SPTLC3: variants seen among roughly 807,000 people sequenced by gnomAD.
SPTLC3 encodes the protein serine palmitoyltransferase long chain base subunit 3.
In SPTLC3, 36 loss-of-function variants were observed where a neutral mutation model predicts 59.3. The observed-to-expected ratio is 0.61, with a 90% CI of 0.47 to 0.80. SPTLC3 has a LOEUF of 0.80. Among genes scored for constraint, SPTLC3 ranks in the 30% least tolerant of loss-of-function variants. The probability of loss-of-function intolerance (pLI) is 0.00; values close to 1 mark genes in which losing one functional copy is unlikely to be tolerated. For missense variants in SPTLC3, 625 were observed against 685.1 expected (o/e 0.91, Z 0.98); for synonymous variants, 257 against 240.8 (o/e 1.07, Z -0.62).
intron 8 of SPTLC3, among the ~76,000 whole-genome samples, chr20:13,118,669 T>C (rs1358093558): frequency 1.3e-5 from 2 of 152,158 alleles, no homozygotes; most frequent in Admixed American, 1.3e-4. Context: ...TGGCTCAGCC[T>C]AGGATGCCAC....
chr20:13,020,353 A>AG (rs1985808632), intron 1 of SPTLC3, among the ~76,000 whole-genome samples: 1 of 100,650 alleles, frequency 9.9e-6, no homozygotes, highest in African/African-American at 2.7e-5. Context: ...TTCTTAAAAA[A>AG]AAAAAAGAAA....
At chr20:13,046,883 A>C (rs889956325) in intron 1 of SPTLC3, among the ~76,000 whole-genome samples, 5 of 152,098 alleles carry the variant, frequency 3.3e-5, no homozygotes, top group African/African-American at 9.7e-5. Flanking sequence ...ATAACCTTTC[A>C]TTTACCTTTT....
At chr20:13,112,270 C>G (rs1160242743) in intron 7 of SPTLC3, among the ~76,000 whole-genome samples, 1 of 152,214 alleles carries the variant, frequency 6.6e-6, no homozygotes, top group Admixed American at 6.5e-5. Context: ...ACTTGCACAT[C>G]TGGCCCTCGG....
chr20:13,147,689 T>G (rs1330574321), intron 9 of SPTLC3, among the ~76,000 whole-genome samples: 1 of 152,184 alleles, frequency 6.6e-6, no homozygotes, highest in Non-Finnish European at 1.5e-5. Context: ...TGAGAAATGT[T>G]TTATGGAATG....
intron 4 of SPTLC3, among the ~76,000 whole-genome samples, chr20:13,081,808 T>G (rs1165968701): frequency 6.6e-6 from 1 of 152,254 alleles, no homozygotes; most frequent in Non-Finnish European, 1.5e-5. Flanking sequence ...TTCCAATTAA[T>G]GAGATTTTAT....
chr20:13,141,604 G>GC (rs896328747), intron 9 of SPTLC3, among the ~76,000 whole-genome samples: 11 of 152,176 alleles, frequency 7.2e-5, no homozygotes, highest in African/African-American at 2.7e-4. Flanking sequence ...CTGTCTGAGG[G>GC]CCCCGGCATT....
At chr20:13,050,136 G>C (rs1374022281) in intron 2 of SPTLC3, 1 of 152,110 alleles carries the variant, frequency 6.6e-6, no homozygotes, top group Non-Finnish European at 1.5e-5. Context: ...AGCTAATCAG[G>C]GAGAGGCCAG....
chr20:13,020,359 A>AG (rs3038779), intron 1 of SPTLC3, among the ~76,000 whole-genome samples: 1 of 150,558 alleles, frequency 6.6e-6, no homozygotes, highest in Non-Finnish European at 1.5e-5. Context: ...AAAAAAAAAA[A>AG]GAAAAAAAAG....
intron 1 of SPTLC3, among the ~76,000 whole-genome samples, chr20:13,031,801 A>T (rs1381607255): frequency 6.6e-6 from 1 of 152,108 alleles, no homozygotes; most frequent in Non-Finnish European, 1.5e-5. Flanking sequence ...TCTATTTCTG[A>T]AATATGTTCC....
intron 9 of SPTLC3, among the ~76,000 whole-genome samples, chr20:13,133,623 A>G (rs1409555821): frequency 6.6e-6 from 1 of 152,198 alleles, no homozygotes; most frequent in East Asian, 1.9e-4. Context: ...AATCCCAGCT[A>G]CTCTGGAGAC....
intron 2 of SPTLC3, among the ~76,000 whole-genome samples, chr20:13,068,388 A>T (rs1380684282): frequency 6.6e-6 from 1 of 152,336 alleles, no homozygotes; most frequent in African/African-American, 2.4e-5. Flanking sequence ...TCCTATTGCA[A>T]TGCTTTTGTT....
chr20:13,089,766 A>G (rs928223440), intron 4 of SPTLC3, among the ~76,000 whole-genome samples: 12 of 147,856 alleles, frequency 8.1e-5, no homozygotes, highest in Non-Finnish European at 1.6e-4. Context: ...AGCCTGGATG[A>G]CAGAGCGAGA....
chr20:13,040,046 C>CGTGTGTGT (rs3038800), intron 1 of SPTLC3, among the ~76,000 whole-genome samples: 101 of 148,016 alleles, frequency 6.8e-4, no homozygotes, highest in Middle Eastern at 3.5e-3. Flanking sequence ...TATGCATGTA[C>CGTGTGTGT]GTGTGTGTGT....
At chr20:13,083,819 C>T (rs55760041) in intron 4 of SPTLC3, among the ~76,000 whole-genome samples, 41,789 of 152,044 alleles carry the variant, frequency 0.27, 5,899 homozygotes, top group Middle Eastern at 0.35. Context: ...TCAGGGCTGT[C>T]TCCTGGTCCT....
intron 1 of SPTLC3, among the ~76,000 whole-genome samples, chr20:13,025,592 A>C (rs1192794843): frequency 6.6e-6 from 1 of 152,196 alleles, no homozygotes; most frequent in Admixed American, 6.5e-5. Context: ...ACCAGAGGAA[A>C]TTCTCTACAA....
rs367888420 is a variant in SPTLC3, at chr20:13,094,681, G to C, written c.826+1104G>C. Among the ~76,000 whole-genome samples, 46 of 152,318 alleles carry C rather than the reference G, an allele frequency of 3.0e-4. No homozygotes were observed. In the East Asian group the frequency reaches 8.7e-3, roughly 29 times the overall value. ...GGGGGAGGAAAGAAAATGCATGGGA[G>C]TATTCTCAAGTGAACCCCCTTGTCT... is the stretch of plus-strand genomic sequence containing the variant. On this transcript the variant is annotated intron_variant, in intron 6 of 11. Coordinates refer to ENST00000399002, the MANE Select transcript of SPTLC3 (RefSeq NM_018327.4).
chr20:13,055,965 T>C (rs574768556), intron 2 of SPTLC3, among the ~76,000 whole-genome samples: 2 of 152,196 alleles, frequency 1.3e-5, no homozygotes, highest in East Asian at 1.9e-4. Context: ...TTTTTACTCC[T>C]GCATTGATAG....
chr20:13,035,089 T>C (rs1367712566), intron 1 of SPTLC3, among the ~76,000 whole-genome samples: 3 of 152,252 alleles, frequency 2.0e-5, no homozygotes, highest in East Asian at 3.9e-4. Context: ...GTTAGCTTCA[T>C]GTTCCTCCCA....
At chr20:13,109,248 C>T (rs1385652197) in intron 6 of SPTLC3, among the ~76,000 whole-genome samples, 1 of 152,192 alleles carries the variant, frequency 6.6e-6, no homozygotes, top group Non-Finnish European at 1.5e-5. Context: ...TTCTGCCAGA[C>T]ATTCATCCTC....
Sources: gnomAD v4.1 joint callset for allele counts (sites outside exome capture counted in the v4.1 genomes callset) on GRCh38, gnomAD v4.1.1 for gene constraint, MANE v1.5 for transcripts, NCBI Gene and HGNC (gene_info 2026-07-23, HGNC 2026-07-21) for gene names.